FBXL17: variants seen among roughly 807,000 people sequenced by gnomAD.
FBXL17 encodes F-box and leucine rich repeat protein 17.
FBXL17 carries 22 observed loss-of-function variants against 66.2 expected under a neutral mutation model. The observed-to-expected ratio is 0.33, with a 90% CI of 0.24 to 0.47. The LOEUF is 0.47. FBXL17 is among the 20% of genes least tolerant of loss of function. FBXL17 has a pLI of 1.00. For missense variants in FBXL17, 878 were observed against 948.2 expected, an observed-to-expected ratio of 0.93 and a Z score of 0.97; for synonymous variants, 474 against 400.5, an observed-to-expected ratio of 1.18 and a Z score of -2.19.
intron 5 of FBXL17, among the ~76,000 whole-genome samples, chr5:108,201,397 C>T (rs911210915): frequency 3.3e-5 from 5 of 151,968 alleles, no homozygotes; most frequent in African/African-American, 1.2e-4. Flanking sequence ...TTGTGGTAGA[C>T]AAGATCTGCC....
chr5:108,345,033 T>C (rs1261082359), intron 4 of FBXL17, among the ~76,000 whole-genome samples: 1 of 152,116 alleles, frequency 6.6e-6, no homozygotes, highest in African/African-American at 2.4e-5. Flanking sequence ...AATTCTCTTT[T>C]GGGAAAATTC....
intron 6 of FBXL17, among the ~76,000 whole-genome samples, chr5:108,168,358 T>G (rs1213419039): frequency 2.0e-5 from 3 of 152,194 alleles, no homozygotes; most frequent in Admixed American, 2.0e-4. Flanking sequence ...TAGAGATCTT[T>G]CTTTCAAATG....
intron 7 of FBXL17, among the ~76,000 whole-genome samples, chr5:107,927,040 GTTAAAC>G (rs1472523954): frequency 6.6e-6 from 1 of 151,962 alleles, no homozygotes. Context: ...TAGAAAAAAA[GTTAAAC>G]TTAAAGCTAT....
chr5:108,367,803 G>T, intron 2 of FBXL17, 28 bp downstream of exon 2: 1 of 1,536,662 alleles, frequency 6.5e-7, no homozygotes, highest in Non-Finnish European at 8.8e-7. Context: ...TAGGTCATAT[G>T]AGTGTTACTT....
intron 4 of FBXL17, among the ~76,000 whole-genome samples, chr5:108,231,727 T>C (rs1002020916): frequency 7.9e-5 from 12 of 152,006 alleles, no homozygotes; most frequent in African/African-American, 2.9e-4. Flanking sequence ...GGGGTTACAG[T>C]GTTGGCTGGG....
At chr5:108,234,535 C>G (rs1163589066) in intron 4 of FBXL17, among the ~76,000 whole-genome samples, 1 of 145,884 alleles carries the variant, frequency 6.9e-6, no homozygotes, top group Non-Finnish European at 1.5e-5. Flanking sequence ...TAATCTCACT[C>G]AAATGCAAGA....
At chr5:108,072,941 T>C (rs1017138790) in intron 6 of FBXL17, among the ~76,000 whole-genome samples, 55 of 152,204 alleles carry the variant, frequency 3.6e-4, no homozygotes, top group Admixed American at 9.2e-4. Context: ...GATAAAAGTA[T>C]ATGAGATCAT....
intron 6 of FBXL17, among the ~76,000 whole-genome samples, chr5:108,073,507 C>T (rs1194485530): frequency 6.6e-5 from 10 of 151,488 alleles, no homozygotes; most frequent in East Asian, 1.9e-4. Flanking sequence ...CATGAAGAAA[C>T]GAAAAATAAC....
At chr5:107,997,587 T>C (rs1753529495) in intron 7 of FBXL17, among the ~76,000 whole-genome samples, 1 of 152,186 alleles carries the variant, frequency 6.6e-6, no homozygotes, top group Non-Finnish European at 1.5e-5. Context: ...TACTGCAGGT[T>C]TCATTACAAG....
intron 5 of FBXL17, among the ~76,000 whole-genome samples, chr5:108,202,942 T>G (rs934136377): frequency 1.3e-5 from 2 of 152,122 alleles, no homozygotes; most frequent in African/African-American, 4.8e-5. Flanking sequence ...CTTAAATAAT[T>G]AAGCAACCTT....
chr5:108,367,852 C>G lies in FBXL17; in HGVS notation c.1095G>C (p.Leu365=). ...LCLDFQFWKQ[L]DLSSRQQVTD... is the part of the protein sequence containing the mutation. ...ATACCTGCTGACGACTACTAAGATC[C>G]AGCTGCTTCCAAAACTGGAAGTCTA... is the stretch of plus-strand genomic sequence containing the variant. Residue 365 remains leucine (L), a synonymous_variant, in exon 2 of 9, where the codon CTG becomes CTC. Transcript: ENST00000542267. 1.3e-6 allele frequency: 2 copies of G among 1,550,676 alleles called. No individual in the cohort carries two copies. Among genetic ancestry groups the G allele is most frequent in the Non-Finnish European group, 1.7e-6 (2 of 1,146,428 alleles).
chr5:107,946,760 T>C (rs888563844), intron 7 of FBXL17, among the ~76,000 whole-genome samples: 3 of 152,016 alleles, frequency 2.0e-5, no homozygotes, highest in African/African-American at 7.2e-5. Flanking sequence ...AGTGTATATA[T>C]TATAGTACCA....
intron 7 of FBXL17, among the ~76,000 whole-genome samples, chr5:107,975,842 G>GT (rs142249451): frequency 1.9e-4 from 16 of 84,274 alleles, no homozygotes; most frequent in South Asian, 4.3e-4. Context: ...TAATTAGAGG[G>GT]TTTTTGTTGT....
At chr5:107,906,415 A>C (rs1226723693) in intron 7 of FBXL17, among the ~76,000 whole-genome samples, 6 of 152,182 alleles carry the variant, frequency 3.9e-5, no homozygotes, top group African/African-American at 1.4e-4. Context: ...AAAAGGAACA[A>C]CAGTTTTTGA....
chr5:108,052,617 A>G (rs1454115634), intron 6 of FBXL17, among the ~76,000 whole-genome samples: 3 of 152,236 alleles, frequency 2.0e-5, no homozygotes, highest in African/African-American at 4.8e-5. Context: ...AAGTGGCCAT[A>G]CTGCCCAAAG....
intron 7 of FBXL17, among the ~76,000 whole-genome samples, chr5:107,950,166 C>T (rs1751449808): frequency 6.6e-6 from 1 of 152,076 alleles, no homozygotes. Flanking sequence ...TAGGCAAACC[C>T]TCCAAGAAAA....
At chr5:108,148,265 A>G (rs1027769481) in intron 6 of FBXL17, among the ~76,000 whole-genome samples, 2 of 151,596 alleles carry the variant, frequency 1.3e-5, no homozygotes, top group African/African-American at 2.4e-5. Flanking sequence ...ATCAGATAAT[A>G]AGAGTACATA....
rs911148900 is a variant in FBXL17, at chr5:108,268,627, T to C, written c.1507-44399A>G. Among the ~76,000 whole-genome samples the C allele has an allele frequency of 6.8e-5, 10 of 147,452 alleles. No homozygotes were observed. The South Asian group carries it at 2.1e-3, about 31-fold the overall frequency. The stretch of plus-strand genomic sequence containing the variant: ...CAAACTAAAAAGGTAGAATTCAAAC[T>C]GAAAAAAAAATGGCAAGGAAAGAAA... On this transcript the variant is annotated intron_variant, in intron 4 of 8. Coordinates refer to ENST00000542267, the MANE Select transcript of FBXL17 (RefSeq NM_001163315.3).
intron 4 of FBXL17, among the ~76,000 whole-genome samples, chr5:108,329,777 A>G (rs1037809228): frequency 7.2e-5 from 11 of 152,188 alleles, no homozygotes; most frequent in Non-Finnish European, 1.3e-4. Flanking sequence ...TAAGTATTAC[A>G]TAAGTGACAT....
Sources: gnomAD v4.1 joint callset for allele counts (sites outside exome capture counted in the v4.1 genomes callset) on GRCh38, gnomAD v4.1.1 for gene constraint, MANE v1.5 for transcripts, NCBI Gene and HGNC (gene_info 2026-07-23, HGNC 2026-07-21) for gene names.